The following ATP9B variants were observed in gnomAD, a reference collection of about 807,000 sequenced individuals.
ATP9B encodes the protein probable phospholipid-transporting ATPase IIB.
ATP9B carries 110 observed loss-of-function variants against 146.1 expected under a neutral mutation model. That is an observed-to-expected ratio of 0.75 (90% CI 0.65 to 0.88). ATP9B has a LOEUF of 0.88. Among genes scored for constraint, ATP9B ranks in the 40% least tolerant of loss-of-function variants. The probability of loss-of-function intolerance (pLI) is 0.00; values close to 1 mark genes in which losing one functional copy is unlikely to be tolerated. For missense variants in ATP9B, 1,499 were observed against 1,496.4 expected (o/e 1.00, Z -0.03); for synonymous variants, 604 against 569.7 (o/e 1.06, Z -0.86).
At chr18:79,335,899 G>A (rs1046141109) in intron 17 of ATP9B, among the ~76,000 whole-genome samples, 1 of 152,196 alleles carries the variant, frequency 6.6e-6, no homozygotes, top group Non-Finnish European at 1.5e-5. Context: ...GCAGAAACAG[G>A]TTTCCGGCCC....
intron 12 of ATP9B, among the ~76,000 whole-genome samples, chr18:79,256,294 TAGTG>T (rs2096080494): frequency 7.0e-6 from 1 of 143,170 alleles, no homozygotes; most frequent in African/African-American, 2.6e-5. Context: ...TATACATACA[TAGTG>T]AGGCTATGTT....
chr18:79,213,923 T>G, intron 10 of ATP9B, 39 bp from the exon 11 acceptor site: 1 of 1,443,296 alleles, frequency 6.9e-7, no homozygotes, highest in Non-Finnish European at 9.5e-7. Flanking sequence ...TACTCATCTT[T>G]AAAGTATTTC....
chr18:79,200,762 C>CTGTCGGGGTCAGAGCAGAGGCGGA (rs376428579), intron 9 of ATP9B, among the ~76,000 whole-genome samples: 4 of 26,788 alleles, frequency 1.5e-4, no homozygotes, highest in African/African-American at 3.7e-4. Context: ...GAGGTGGGAA[C>CTGTCGGGGTCAGAGCAGAGGCGGA]GTTGGGGTCA....
At chr18:79,233,076 G>A (rs2095807085) in intron 11 of ATP9B, among the ~76,000 whole-genome samples, 1 of 152,118 alleles carries the variant, frequency 6.6e-6, no homozygotes, top group Non-Finnish European at 1.5e-5. Flanking sequence ...CAGATTGCTT[G>A]AGCCCACGAG....
intron 3 of ATP9B, 133 bp from the exon 4 acceptor site, chr18:79,113,108 A>C: frequency 1.9e-6 from 1 of 535,142 alleles, no homozygotes; most frequent in Non-Finnish European, 3.3e-6. Context: ...TAATACATTT[A>C]CTTTGAATCA....
chr18:79,331,070 C>T (rs949956157), intron 17 of ATP9B, among the ~76,000 whole-genome samples: 2 of 152,126 alleles, frequency 1.3e-5, no homozygotes, highest in South Asian at 2.1e-4. Context: ...ATGATTTTAT[C>T]GTTAAGCTTA....
At chr18:79,078,935 G>A (rs1411322626) in intron 1 of ATP9B, among the ~76,000 whole-genome samples, 4 of 152,152 alleles carry the variant, frequency 2.6e-5, no homozygotes, top group South Asian at 2.1e-4. Context: ...TCTTGTGTTA[G>A]TTTGCTGAGA....
intron 29 of ATP9B, 48 bp from the exon 30 acceptor site, chr18:79,377,199 A>G: frequency 6.2e-7 from 1 of 1,604,850 alleles, no homozygotes; most frequent in Non-Finnish European, 8.5e-7. Context: ...ATGAGGGCCC[A>G]GGACTTCTTG....
chr18:79,077,617 C>A (rs1202133114), intron 1 of ATP9B, among the ~76,000 whole-genome samples: 1 of 152,196 alleles, frequency 6.6e-6, no homozygotes, highest in Admixed American at 6.5e-5. Flanking sequence ...AGCTCCTGCA[C>A]CAGGCAAAGC....
At chr18:79,335,132 TG>T (rs1284750408) in intron 17 of ATP9B, among the ~76,000 whole-genome samples, 1 of 152,248 alleles carries the variant, frequency 6.6e-6, no homozygotes. Flanking sequence ...TCTGCCGCTC[TG>T]CCAGATTCTC....
intron 6 of ATP9B, among the ~76,000 whole-genome samples, chr18:79,147,170 G>A (rs535673553): frequency 6.6e-6 from 1 of 152,304 alleles, no homozygotes; most frequent in East Asian, 1.9e-4. Context: ...ATCATAAATT[G>A]TTACTCACCA....
intron 8 of ATP9B, among the ~76,000 whole-genome samples, 181 bp from the exon 9 acceptor site, chr18:79,193,002 A>C (rs1184474145): frequency 6.6e-6 from 1 of 152,222 alleles, no homozygotes; most frequent in African/African-American, 2.4e-5. Context: ...GTCAAGCTTA[A>C]AAATGGTTTC....
chr18:79,242,734 A>G (rs900477), intron 11 of ATP9B, among the ~76,000 whole-genome samples: 58,483 of 152,108 alleles, frequency 0.38, 11,872 homozygotes, highest in Middle Eastern at 0.55. Context: ...TTTTTACACA[A>G]TTCTCAACTC....
chr18:79,366,043 T>A (rs2097026192), intron 26 of ATP9B, among the ~76,000 whole-genome samples: 2 of 152,270 alleles, frequency 1.3e-5, no homozygotes, highest in Non-Finnish European at 1.5e-5. Context: ...TCACATGACA[T>A]GATGGATCAT....
At chr18:79,127,150 T>C (rs2094300945) in intron 5 of ATP9B, among the ~76,000 whole-genome samples, 2 of 152,226 alleles carry the variant, frequency 1.3e-5, no homozygotes, top group Non-Finnish European at 2.9e-5. Flanking sequence ...TAACTTGAAA[T>C]AGTACCTTCA....
intron 12 of ATP9B, among the ~76,000 whole-genome samples, chr18:79,261,090 T>C (rs1223389704): frequency 2.6e-5 from 4 of 152,148 alleles, no homozygotes; most frequent in Non-Finnish European, 5.9e-5. Flanking sequence ...GATGATGAGA[T>C]CTGGGGCCTT....
At position 79,344,270 on chromosome 18, in the gene ATP9B, C is replaced by A. The variant is rs144788811; in HGVS notation, c.2388C>A (p.Thr796=). 115 of 1,614,010 alleles carry A rather than the reference C, an allele frequency of 7.1e-5. No homozygotes were observed. The highest frequency in any genetic ancestry group is 9.3e-5 in the Non-Finnish European group (110 of 1,179,988). The change falls in exon 21 of 30, where the codon ACC becomes ACA. Residue 796 remains threonine (T), a synonymous_variant. Transcript: ENST00000426216. ...TQDIHIFRQV[T]SRGEAHLELN... ...CTTTTTCTCCCTTAATGGAGGTAAC[C>A]AGTCGGGGAGAGGCACATTTGGAGC... is the stretch of plus-strand genomic sequence containing the variant.
chr18:79,130,060 A>G (rs1486809598), intron 5 of ATP9B, among the ~76,000 whole-genome samples: 1 of 152,190 alleles, frequency 6.6e-6, no homozygotes, highest in Non-Finnish European at 1.5e-5. Context: ...GTTTTCTACA[A>G]AAAACATTAC....
chr18:79,159,848 C>T (rs972549797), intron 7 of ATP9B, among the ~76,000 whole-genome samples: 2 of 152,214 alleles, frequency 1.3e-5, no homozygotes, highest in African/African-American at 2.4e-5. Context: ...GTCCTAAGCA[C>T]ACCTACATTT....
Sources: allele counts gnomAD v4.1 joint callset (sites outside exome capture counted in the v4.1 genomes callset), GRCh38; gene constraint gnomAD v4.1.1; transcripts MANE v1.5; gene names NCBI Gene and HGNC (gene_info 2026-07-23, HGNC 2026-07-21).